PTCSC3: variants seen among roughly 807,000 people sequenced by gnomAD.
PTCSC3 encodes papillary thyroid carcinoma susceptibility candidate 3 (non-protein coding).
chr14:36,162,282 A>AACAAAAAAAAAAAC lies in PTCSC3; in HGVS notation n.231+341_231+342insGTTTTTTTTTTTGT, dbSNP rs1566509718. Among the ~76,000 whole-genome samples the AACAAAAAAAAAAAC allele has an allele frequency of 2.7e-4, 35 of 128,030 alleles. No individual in the cohort carries two copies. In the South Asian group the frequency reaches 4.2e-3, roughly 15 times the overall value. The allele number at this position is 128,030 out of a possible 152,430, so 84.0% of individuals were successfully genotyped here. A position where few individuals can be genotyped will look rare whatever the true frequency, so the allele number is the denominator to read the frequency against. On this transcript the variant is annotated intron_variant and non_coding_transcript_variant, in intron 2 of 3. Coordinates refer to ENST00000556013, the Ensembl canonical transcript of PTCSC3. ...GGAAAAAAAAAAAAAAAAAAAAAAA[A>AACAAAAAAAAAAAC]AAACTCCTGCAGCCAGCTCAGTGTC...
chr14:36,167,316 TC>T (rs1405627279), intron 1 of PTCSC3, among the ~76,000 whole-genome samples: 1 of 152,150 alleles, frequency 6.6e-6, no homozygotes, highest in Non-Finnish European at 1.5e-5. Context: ...TTTTTCCCTT[TC>T]TCTGCACACT....
At chr14:36,151,848 A>T (rs1436049386) in intron 3 of PTCSC3, among the ~76,000 whole-genome samples, 1 of 151,810 alleles carries the variant, frequency 6.6e-6, no homozygotes, top group Non-Finnish European at 1.5e-5. Context: ...CCTTGAGTAC[A>T]TTTCAAAATT....
At chr14:36,141,307 C>G (rs921493718) in intron 3 of PTCSC3, among the ~76,000 whole-genome samples, 4 of 151,962 alleles carry the variant, frequency 2.6e-5, no homozygotes, top group Non-Finnish European at 4.4e-5. Flanking sequence ...TGCATTGAAT[C>G]TATAGATCAA....
intron 3 of PTCSC3, among the ~76,000 whole-genome samples, chr14:36,144,168 T>G (rs1165958968): frequency 6.6e-6 from 1 of 151,894 alleles, no homozygotes; most frequent in Non-Finnish European, 1.5e-5. Flanking sequence ...ATATGAACTT[T>G]AAAGTAGTTT....
intron 3 of PTCSC3, among the ~76,000 whole-genome samples, chr14:36,148,093 G>C (rs1219237555): frequency 2.0e-5 from 3 of 152,112 alleles, no homozygotes; most frequent in African/African-American, 4.8e-5. Flanking sequence ...ATTTAAGTCT[G>C]CAGAAGTTAC....
chr14:36,149,096 T>A (rs1311878592), intron 3 of PTCSC3, among the ~76,000 whole-genome samples: 1 of 152,062 alleles, frequency 6.6e-6, no homozygotes, highest in African/African-American at 2.4e-5. Context: ...AGGTTACTGA[T>A]TTTAGGTCTT....
At chr14:36,170,947 G>A (rs968928273) in intron 1 of PTCSC3, among the ~76,000 whole-genome samples, 3 of 152,106 alleles carry the variant, frequency 2.0e-5, no homozygotes, top group Non-Finnish European at 4.4e-5. Flanking sequence ...ATTTAACCTT[G>A]TATGTAGTTA....
chr14:36,140,029 T>G lies in PTCSC3; in HGVS notation n.323-3673A>C. ...CAAGAATCCATGCAACCATGGACCT[T>G]TTTATTCCCTCTATTGTTTTACGTT... On this transcript the variant is annotated intron_variant and non_coding_transcript_variant, in intron 3 of 3. Transcript: ENST00000556013. Among the ~76,000 whole-genome samples, 2 of 152,206 alleles carry G rather than the reference T, an allele frequency of 1.3e-5. 1 individual carries two copies. The highest frequency in any genetic ancestry group is 6.3e-3 in the Middle Eastern group (2 of 316).
chr14:36,156,006 C>T (rs1355119866), intron 2 of PTCSC3, among the ~76,000 whole-genome samples: 1 of 151,958 alleles, frequency 6.6e-6, no homozygotes, highest in African/African-American at 2.4e-5. Flanking sequence ...TCATGCTCTG[C>T]ATGAAACTTT....
intron 3 of PTCSC3, among the ~76,000 whole-genome samples, chr14:36,148,893 A>C (rs1881656959): frequency 6.6e-6 from 1 of 152,032 alleles, no homozygotes; most frequent in African/African-American, 2.4e-5. Flanking sequence ...TCTGATACTA[A>C]TAATTTATTT....
chr14:36,140,723 G>A (rs1364642005), intron 3 of PTCSC3, among the ~76,000 whole-genome samples: 1 of 151,948 alleles, frequency 6.6e-6, no homozygotes, highest in East Asian at 1.9e-4. Context: ...GAGTTTTTTA[G>A]AGCAGAAAAT....
intron 1 of PTCSC3, among the ~76,000 whole-genome samples, chr14:36,171,166 T>TA (rs954407212): frequency 2.0e-5 from 3 of 152,170 alleles, no homozygotes; most frequent in African/African-American, 7.2e-5. Flanking sequence ...TTCTGTAGGT[T>TA]AAGAATTTCC....
At chr14:36,174,874 A>G (rs1275390150) in intron 1 of PTCSC3, among the ~76,000 whole-genome samples, 1 of 151,316 alleles carries the variant, frequency 6.6e-6, no homozygotes, top group East Asian at 1.9e-4. Flanking sequence ...ACAAGATGTT[A>G]ATAAATCTCT....
intron 3 of PTCSC3, among the ~76,000 whole-genome samples, chr14:36,148,785 T>C (rs1440427526): frequency 6.6e-6 from 1 of 152,218 alleles, no homozygotes; most frequent in African/African-American, 2.4e-5. Context: ...GCCCATTTTA[T>C]CTAAATATTA....
chr14:36,135,051 T>C (rs954227671), downstream of PTCSC3, among the ~76,000 whole-genome samples: 11 of 152,180 alleles, frequency 7.2e-5, no homozygotes, highest in Non-Finnish European at 1.5e-4. Context: ...ATTTCTCTAA[T>C]GACAGAGCTG....
chr14:36,161,184 G>T (rs943444898), intron 2 of PTCSC3, among the ~76,000 whole-genome samples: 3 of 152,080 alleles, frequency 2.0e-5, no homozygotes, highest in African/African-American at 7.2e-5. Context: ...TAGCTTCGAG[G>T]AGTTTGTTAT....
chr14:36,142,767 A>C (rs949155698), intron 3 of PTCSC3, among the ~76,000 whole-genome samples: 1 of 148,116 alleles, frequency 6.8e-6, no homozygotes, highest in Admixed American at 6.7e-5. Context: ...CTAACTCATC[A>C]TCTAGCATTA....
At chr14:36,145,873 G>C (rs879327418) in intron 3 of PTCSC3, among the ~76,000 whole-genome samples, 2,172 of 148,916 alleles carry the variant, frequency 0.015, 14 homozygotes, top group South Asian at 0.031. Flanking sequence ...CTTTGTTCTC[G>C]TTGGTTTCAA....
chr14:36,158,698 A>G (rs941428503), intron 2 of PTCSC3, among the ~76,000 whole-genome samples: 8 of 152,154 alleles, frequency 5.3e-5, no homozygotes, highest in African/African-American at 1.7e-4. Context: ...CATCAGAGAT[A>G]TTGGGCTGAA....
Sources: allele counts gnomAD v4.1 joint callset (sites outside exome capture counted in the v4.1 genomes callset), GRCh38; gene constraint gnomAD v4.1.1; transcripts MANE v1.5; gene names NCBI Gene and HGNC (gene_info 2026-07-23, HGNC 2026-07-21).